CD38: variants seen among roughly 807,000 people sequenced by gnomAD.
The protein encoded by CD38 is CD38 molecule.
CD38 carries 31 observed loss-of-function variants against 36.3 expected under a neutral mutation model. The observed-to-expected ratio is 0.85, with a 90% CI of 0.64 to 1.15. The LOEUF (loss-of-function observed/expected upper bound fraction) is 1.15. CD38 is among the 50% of genes most tolerant of loss of function. The pLI is 0.00. For missense variants in CD38, 380 were observed against 371.9 expected (o/e 1.02, Z -0.18); for synonymous variants, 131 against 135.2 (o/e 0.97, Z 0.22).
intron 1 of CD38, 22 bp from the exon 2 acceptor site, chr4:15,816,489 T>A (rs760003021): frequency 6.4e-7 from 1 of 1,558,674 alleles, no homozygotes; most frequent in Non-Finnish European, 8.7e-7. Flanking sequence ...ATTTATGTTT[T>A]ATTTTCTGTG....
rs180836885 is a variant in CD38 at position 15,797,076 on chromosome 4, T to C, written c.233+18429T>C. Among the ~76,000 whole-genome samples, 187 of 152,322 alleles carry C rather than the reference T, an allele frequency of 1.2e-3. 1 individual carries two copies. Among genetic ancestry groups the C allele is most frequent in the Non-Finnish European group, 2.2e-3 (148 of 68,006 alleles). ...CAAGGCAATTATCTTCTTGAGGTAA[T>C]GAGAACTCCTATTTCCCCATACCCA... On this transcript the variant is annotated intron_variant, in intron 1 of 7. Transcript: ENST00000226279.
At chr4:15,816,278 T>C (rs149559749) in intron 1 of CD38, among the ~76,000 whole-genome samples, 3 of 152,146 alleles carry the variant, frequency 2.0e-5, no homozygotes, top group African/African-American at 7.2e-5. Context: ...ATTGGCCTCA[T>C]AAAATGACTT....
chr4:15,798,365 T>C (rs564996855), intron 1 of CD38, among the ~76,000 whole-genome samples: 1 of 152,312 alleles, frequency 6.6e-6, no homozygotes, highest in East Asian at 1.9e-4. Flanking sequence ...CTCATATACC[T>C]GGAACAGAGG....
chr4:15,785,794 G>A (rs542371328), intron 1 of CD38, among the ~76,000 whole-genome samples: 1 of 152,182 alleles, frequency 6.6e-6, no homozygotes, highest in African/African-American at 2.4e-5. Context: ...TGGGTTCTTG[G>A]TCTCACTAAC....
At chr4:15,803,572 ATAT>A (rs1723274643) in intron 1 of CD38, among the ~76,000 whole-genome samples, 1 of 152,202 alleles carries the variant, frequency 6.6e-6, no homozygotes, top group South Asian at 2.1e-4. Context: ...TCACAGTGAG[ATAT>A]TATCTCACGC....
intron 1 of CD38, among the ~76,000 whole-genome samples, chr4:15,780,109 A>G (rs1444245615): frequency 6.6e-6 from 1 of 152,254 alleles, no homozygotes; most frequent in Non-Finnish European, 1.5e-5. Flanking sequence ...TCATACATAC[A>G]TTGTGTGTAC....
rs560562721 is a variant in CD38 at position 15,803,445 on chromosome 4, T to A, written c.234-13066T>A. 6.6e-5 allele frequency among the ~76,000 whole-genome samples: 10 copies of A among 152,298 alleles called. No homozygotes were observed. In the South Asian group the frequency reaches 2.1e-3, roughly 32 times the overall value. ...AACAGCAAAAAGCCAAATAATCTGA[T>A]TTTTAAAATCGGCAATTGATCTGAA... On this transcript the variant is annotated intron_variant, in intron 1 of 7. Coordinates refer to ENST00000226279, the MANE Select transcript of CD38 (RefSeq NM_001775.4).
chr4:15,807,464 G>A (rs1723366846), intron 1 of CD38, among the ~76,000 whole-genome samples: 1 of 152,220 alleles, frequency 6.6e-6, no homozygotes, highest in East Asian at 1.9e-4. Flanking sequence ...GGCCTTGTCT[G>A]ATGCTGGTGT....
chr4:15,779,110 AC>A (rs143015041), intron 1 of CD38, among the ~76,000 whole-genome samples: 2,300 of 152,286 alleles, frequency 0.015, 58 homozygotes, highest in African/African-American at 0.053. Flanking sequence ...CCGGACGGTT[AC>A]AGAGGACACT....
At chr4:15,812,449 G>A (rs1233892757) in intron 1 of CD38, among the ~76,000 whole-genome samples, 2 of 152,198 alleles carry the variant, frequency 1.3e-5, no homozygotes, top group Non-Finnish European at 2.9e-5. Context: ...TGTAATCCCA[G>A]CACTTTGGGA....
intron 1 of CD38, among the ~76,000 whole-genome samples, chr4:15,787,167 G>A (rs1386550940): frequency 6.6e-6 from 1 of 152,248 alleles, no homozygotes; most frequent in Non-Finnish European, 1.5e-5. Context: ...TGCAGCTGTG[G>A]GCTGAAGGGC....
Position 15,780,534 on chromosome 4 carries a change from A to ACACACACACACACACACACG in CD38, c.233+1906_233+1907insGCACACACACACACACACAC, listed in dbSNP as rs1560303831. ...TTCTCTCTCTCACACACACACACAC[A>ACACACACACACACACACACG]CACACACACACACACACACACACAC... On this transcript the variant is annotated intron_variant, in intron 1 of 7. Transcript: ENST00000226279. 4.6e-4 allele frequency among the ~76,000 whole-genome samples: 67 copies of ACACACACACACACACACACG among 144,270 alleles called. 1 individual carries two copies. Among genetic ancestry groups the ACACACACACACACACACACG allele is most frequent in the African/African-American group, 1.8e-3 (66 of 37,140 alleles). The allele number at this position is 144,270 out of a possible 152,430, so 94.6% of individuals were successfully genotyped here. A position where few individuals can be genotyped will look rare whatever the true frequency, so the allele number is the denominator to read the frequency against.
chr4:15,816,567 A>G lies in CD38; in HGVS notation c.290A>G (p.His97Arg), dbSNP rs772980290. 1 of 1,613,920 alleles carries G rather than the reference A, an allele frequency of 6.2e-7. No homozygotes were observed. The highest frequency in any genetic ancestry group is 8.5e-7 in the Non-Finnish European group (1 of 1,179,794). Residue 97 changes from histidine to arginine, a missense_variant, in exon 2 of 8, where the codon CAT (histidine) becomes CGT (arginine). Coordinates refer to ENST00000226279, the MANE Select transcript of CD38 (RefSeq NM_001775.4). ...DAFKGAFISK[H>R]PCNITEEDYQ... ...TTCAAGGGTGCATTTATTTCAAAACATCCTTGCAACATTACTGAAGAAGAC... is the reference window on the plus strand; with the variant it reads ...TTCAAGGGTGCATTTATTTCAAAACGTCCTTGCAACATTACTGAAGAAGAC...
chr4:15,813,001 C>T (rs1723504572), intron 1 of CD38, among the ~76,000 whole-genome samples: 1 of 152,114 alleles, frequency 6.6e-6, no homozygotes. Context: ...TTTACTCGTT[C>T]TAACAGTTTC....
rs2148930434 is a variant in CD38 at position 15,849,370 on chromosome 4, C to T, written c.*768C>T. 1 of 152,304 alleles carries T rather than the reference C, an allele frequency of 6.6e-6. No individual in the cohort carries two copies. The highest frequency in any genetic ancestry group is 1.9e-4 in the East Asian group (1 of 5,186). 9.4% of individuals were successfully genotyped at this position (152,304 alleles called of 1,614,324 possible). ...AATTTGAACTCAACTCTGTCCAACT[C>T]CAAAATTCATGTGCTTTTTCCTTCT... On this transcript the variant is annotated 3_prime_UTR_variant, in exon 8 of 8. Coordinates refer to ENST00000226279, the MANE Select transcript of CD38 (RefSeq NM_001775.4).
intron 2 of CD38, 35 bp from the exon 3 acceptor site, chr4:15,824,846 G>C: frequency 6.6e-7 from 1 of 1,511,930 alleles, no homozygotes; most frequent in Non-Finnish European, 9.1e-7. Flanking sequence ...ATGCTAAATT[G>C]ATCTCAGTAA....
intron 1 of CD38, among the ~76,000 whole-genome samples, chr4:15,785,922 C>T (rs1209959392): frequency 2.0e-5 from 3 of 152,112 alleles, no homozygotes; most frequent in South Asian, 4.1e-4. Context: ...CTGGTGGGCT[C>T]GTGGTCTCGC....
At chr4:15,841,241 C>T (rs971082888) in intron 7 of CD38, among the ~76,000 whole-genome samples, 10 of 152,076 alleles carry the variant, frequency 6.6e-5, no homozygotes, top group East Asian at 1.9e-4. Flanking sequence ...GATTTTTCCA[C>T]GTATAATAGC....
chr4:15,851,693 T>C lies in CD38; in HGVS notation c.*3091T>C, dbSNP rs191320265. ...CACGTGCCTGTATACAGTCATATGA[T>C]ACATACACAAACACACGCACACAAG... On this transcript the variant is annotated 3_prime_UTR_variant, in exon 8 of 8. Coordinates refer to ENST00000226279, the MANE Select transcript of CD38 (RefSeq NM_001775.4). 7.2e-5 allele frequency: 11 copies of C among 152,308 alleles called. No individual in the cohort carries two copies. Among genetic ancestry groups the C allele is most frequent in the Admixed American group, 7.2e-4 (11 of 15,300 alleles). 9.4% of individuals were successfully genotyped at this position (152,308 alleles called of 1,614,324 possible).
Sources: gnomAD v4.1 joint callset for allele counts (sites outside exome capture counted in the v4.1 genomes callset) on GRCh38, gnomAD v4.1.1 for gene constraint, MANE v1.5 for transcripts, NCBI Gene and HGNC (gene_info 2026-07-23, HGNC 2026-07-21) for gene names.